Variants in FARS2 observed in about 807,000 individuals in gnomAD.
FARS2 encodes phenylalanyl-tRNA synthetase 2, mitochondrial, also known as phenylalanine--tRNA ligase, mitochondrial.
A neutral mutation model predicts 46.4 loss-of-function variants in FARS2; 40 were observed. The ratio of observed to expected loss-of-function variants is 0.86; its 90% CI spans 0.67 to 1.12. FARS2 has a LOEUF of 1.12. Among genes scored for constraint, FARS2 ranks in the 50% most tolerant of loss-of-function variants. The pLI is 0.00. For synonymous variants in FARS2, 234 were observed against 214.9 expected (o/e 1.09, Z -0.78); for missense variants, 513 against 567.9 (o/e 0.90, Z 0.98).
In FARS2 at chr6:5,394,923, G is replaced by A. The variant is rs896990092; in HGVS notation, c.613-9619G>A. Among the ~76,000 whole-genome samples, 19 of 152,100 alleles carry A rather than the reference G, an allele frequency of 1.2e-4. 2 individuals are homozygous for A. The highest frequency in any genetic ancestry group is 4.6e-4 in the Admixed American group (7 of 15,270). On this transcript the variant is annotated intron_variant, in intron 2 of 6. Coordinates refer to ENST00000274680, the MANE Select transcript of FARS2 (RefSeq NM_006567.5). Reference sequence around the variant, plus strand: ...CATTGTCTAAAAAAGGATGATCTGCGTCTTTTGTAGGAGAGTAGGACTGTC... The same window carrying A: ...CATTGTCTAAAAAAGGATGATCTGCATCTTTTGTAGGAGAGTAGGACTGTC...
chr6:5,399,046 T>A (rs1761069569), intron 2 of FARS2, among the ~76,000 whole-genome samples: 1 of 151,592 alleles, frequency 6.6e-6, no homozygotes, highest in African/African-American at 2.4e-5. Flanking sequence ...GGCTGTCATT[T>A]ATTTAGAATA....
At chr6:5,734,894 G>T (rs749251943) in intron 6 of FARS2, among the ~76,000 whole-genome samples, 4 of 151,768 alleles carry the variant, frequency 2.6e-5, no homozygotes, top group Non-Finnish European at 4.4e-5. Context: ...CACACAGATA[G>T]AAACCGTTAG....
chr6:5,529,497 G>A lies in FARS2; in HGVS notation c.905-15683G>A, dbSNP rs573238377. On this transcript the variant is annotated intron_variant, in intron 4 of 6. Coordinates refer to ENST00000274680, the MANE Select transcript of FARS2 (RefSeq NM_006567.5). ...TAATTTTTGTATTTTTAGTAGAGAC[G>A]GGGTTTTACCATGTTGGCCAGGATG... Among the ~76,000 whole-genome samples, 4 of 152,118 alleles carry A rather than the reference G, an allele frequency of 2.6e-5. No homozygotes were observed. In the East Asian group the frequency reaches 5.8e-4, roughly 22 times the overall value.
At position 5,610,648 on chromosome 6, in the gene FARS2, C is replaced by A. The variant is rs373847914; in HGVS notation, c.1066-2521C>A. Among the ~76,000 whole-genome samples, 135 of 152,172 alleles carry A rather than the reference C, an allele frequency of 8.9e-4. 5 individuals carry two copies. In the South Asian group the frequency reaches 0.018, roughly 20 times the overall value. On this transcript the variant is annotated intron_variant, in intron 5 of 6. Transcript: ENST00000274680. The stretch of plus-strand genomic sequence containing the variant: ...TCAATCCCCCTCAGATACTGAGGGA[C>A]GACTATATGCAGTTATCTGATAAAA...
At chr6:5,257,378 T>C (rs1764729220), upstream of FARS2, among the ~76,000 whole-genome samples, 1 of 152,208 alleles carries the variant, frequency 6.6e-6, no homozygotes, top group East Asian at 1.9e-4. Flanking sequence ...TTCCACACCT[T>C]GTACATCCTT....
Position 5,433,424 on chromosome 6 carries a change from A to G in FARS2, c.904+2252A>G, listed in dbSNP as rs553544535. ...GGGTCCCCTTAGTAGGAAATATTTA[A>G]ACAGAAGTTGTTCCTGCCTGTGATA... On this transcript the variant is annotated intron_variant, in intron 4 of 6. Transcript: ENST00000274680. Among the ~76,000 whole-genome samples the G allele has an allele frequency of 3.5e-4, 53 of 152,350 alleles. 2 individuals carry two copies. The Middle Eastern group carries it at 0.01, about 29-fold the overall frequency.
At chr6:5,362,072 G>A (rs1278115336) in intron 1 of FARS2, among the ~76,000 whole-genome samples, 1 of 152,108 alleles carries the variant, frequency 6.6e-6, no homozygotes, top group Non-Finnish European at 1.5e-5. Context: ...CCATGACCAT[G>A]TAACAGATGC....
intron 5 of FARS2, among the ~76,000 whole-genome samples, chr6:5,585,931 G>C (rs1274409366): frequency 6.6e-6 from 1 of 152,098 alleles, no homozygotes; most frequent in Non-Finnish European, 1.5e-5. Context: ...GCCTAGAAAT[G>C]AGATTGCTAG....
chr6:5,477,836 T>C (rs559850493), intron 4 of FARS2, among the ~76,000 whole-genome samples: 3 of 151,822 alleles, frequency 2.0e-5, no homozygotes, highest in Non-Finnish European at 2.9e-5. Flanking sequence ...CTGGGCAAGA[T>C]AGTGAGACCT....
At chr6:5,488,675 C>T (rs1766923780) in intron 4 of FARS2, among the ~76,000 whole-genome samples, 1 of 129,178 alleles carries the variant, frequency 7.7e-6, no homozygotes, top group Non-Finnish European at 1.8e-5. Flanking sequence ...TTTGAGGTGC[C>T]TCTTAGAAAT....
At chr6:5,460,714 T>C (rs998341243) in intron 4 of FARS2, among the ~76,000 whole-genome samples, 7 of 152,164 alleles carry the variant, frequency 4.6e-5, no homozygotes, top group Non-Finnish European at 1.0e-4. Flanking sequence ...GGAGTACTTA[T>C]AGAACAATCC....
chr6:5,361,337 T>A (rs1463639555), intron 1 of FARS2, among the ~76,000 whole-genome samples: 1 of 152,184 alleles, frequency 6.6e-6, no homozygotes, highest in Non-Finnish European at 1.5e-5. Flanking sequence ...GGTGTATAAT[T>A]TTTTTTCTGT....
At chr6:5,702,639 A>C (rs1255654958) in intron 6 of FARS2, among the ~76,000 whole-genome samples, 1 of 152,216 alleles carries the variant, frequency 6.6e-6, no homozygotes, top group Non-Finnish European at 1.5e-5. Flanking sequence ...ACTTGTCCCT[A>C]AGTCATAGTT....
At chr6:5,412,387 G>A (rs1240234152) in intron 3 of FARS2, among the ~76,000 whole-genome samples, 4 of 152,210 alleles carry the variant, frequency 2.6e-5, no homozygotes, top group Non-Finnish European at 5.9e-5. Context: ...ACTGTAGTTC[G>A]TTGACTTCTC....
At chr6:5,260,604 GCCCCT>G, upstream of FARS2, 4 of 1,196,158 alleles carry the variant, frequency 3.3e-6, no homozygotes, top group Non-Finnish European at 4.7e-6. Flanking sequence ...CCGGTCCCCG[GCCCCT>G]GGCCCCCCGC....
At chr6:5,520,545 C>T (rs1334065081) in intron 4 of FARS2, among the ~76,000 whole-genome samples, 2 of 152,206 alleles carry the variant, frequency 1.3e-5, no homozygotes, top group South Asian at 2.1e-4. Flanking sequence ...GTTCACATCA[C>T]CAGCTTAAGA....
At chr6:5,617,584 A>G (rs749923190) in intron 6 of FARS2, among the ~76,000 whole-genome samples, 1 of 152,220 alleles carries the variant, frequency 6.6e-6, no homozygotes, top group Non-Finnish European at 1.5e-5. Context: ...AAATTGGCCA[A>G]TGATTTGTAA....
At chr6:5,477,816 G>A (rs1165352949) in intron 4 of FARS2, among the ~76,000 whole-genome samples, 2 of 151,994 alleles carry the variant, frequency 1.3e-5, no homozygotes, top group Non-Finnish European at 2.9e-5. Flanking sequence ...ACCAGGAGGT[G>A]AAGACCAGCC....
At chr6:5,628,445 G>A (rs999981459) in intron 6 of FARS2, among the ~76,000 whole-genome samples, 1 of 152,216 alleles carries the variant, frequency 6.6e-6, no homozygotes, top group Non-Finnish European at 1.5e-5. Context: ...TCTAGAAGCA[G>A]CTTCTTCCCG....
Sources: gnomAD v4.1 joint callset for allele counts (sites outside exome capture counted in the v4.1 genomes callset) on GRCh38, gnomAD v4.1.1 for gene constraint, MANE v1.5 for transcripts, NCBI Gene and HGNC (gene_info 2026-07-23, HGNC 2026-07-21) for gene names.